The following SELE variants were observed in gnomAD, a reference collection of about 807,000 sequenced individuals.
The protein encoded by SELE is selectin E.
In SELE, 52 loss-of-function variants were observed where a neutral mutation model predicts 75.8. That is an observed-to-expected ratio of 0.69 (90% confidence interval 0.55 to 0.86). The LOEUF (loss-of-function observed/expected upper bound fraction) is 0.86, where lower values mean the gene tolerates loss of function less well. SELE is among the 40% of genes least tolerant of loss of function. SELE has a pLI of 0.00. For missense variants in SELE, 754 were observed against 732.7 expected (o/e 1.03, Z -0.34); for synonymous variants, 285 against 258.7 (o/e 1.10, Z -0.98).
rs1285145460 is a variant in SELE, at chr1:169,733,635, C to T, written c.-23G>A. 3.1e-6 allele frequency: 5 copies of T among 1,612,796 alleles called. No homozygotes were observed. The highest frequency in any genetic ancestry group is 3.3e-5 in the Admixed American group (2 of 60,012). On this transcript the variant is annotated 5_prime_UTR_variant, in exon 2 of 14. Transcript: ENST00000333360. Reference sequence around the variant, plus strand: ...CATGACTTCAAGAGTTCTTTTCACCCAAAGGTTTAGGCTTGAAATACTTTC... The same window carrying T: ...CATGACTTCAAGAGTTCTTTTCACCTAAAGGTTTAGGCTTGAAATACTTTC...
chr1:169,729,421 T>A (rs1439498579), intron 6 of SELE, 47 bp from the exon 7 acceptor site: 7 of 1,608,712 alleles, frequency 4.4e-6, no homozygotes, highest in Non-Finnish European at 6.0e-6. Context: ...AGAATTAGCT[T>A]GCCCATTTCC....
intron 4 of SELE, chr1:169,731,599 C>T (rs1462047639): frequency 9.4e-6 from 4 of 423,842 alleles, no homozygotes; most frequent in Non-Finnish European, 1.7e-5. Context: ...CCTCATTTTA[C>T]AATGAGAAAA....
At position 169,724,419 on chromosome 1, in the gene SELE, A is replaced by G. The variant is rs1012242843; in HGVS notation, c.*106T>C. On this transcript the variant is annotated 3_prime_UTR_variant, in exon 14 of 14. Coordinates refer to ENST00000333360, the MANE Select transcript of SELE (RefSeq NM_000450.2). ...GGTTTCAGCCATAAAGGCATCTGGC[A>G]TAGTAGGCAAGAAGGGCCAGAGACC... 1 of 152,240 alleles carries G rather than the reference A, an allele frequency of 6.6e-6. No homozygotes were observed. Among genetic ancestry groups the G allele is most frequent in the African/African-American group, 2.4e-5 (1 of 41,466 alleles). The allele number at this position is 152,240 out of a possible 1,614,324, so 9.4% of individuals were successfully genotyped here.
intron 11 of SELE, 103 bp downstream of exon 11, chr1:169,726,596 A>T (rs1044679932): frequency 2.2e-5 from 18 of 824,038 alleles, no homozygotes; most frequent in African/African-American, 3.4e-5. Flanking sequence ...TTTTATCCAG[A>T]TTCTAATTAT....
In SELE at chr1:169,725,746, A is replaced by T. The variant is rs1204436844; in HGVS notation, c.1831T>A (p.Ter611LysextTer13). The T allele has an allele frequency of 1.9e-6, 3 of 1,613,734 alleles. No individual in the cohort carries two copies. In the East Asian group the frequency reaches 6.7e-5, roughly 36 times the overall value. Reference protein sequence around the residue: ...GSYQKPSYIL* With the variant: ...GSYQKPSYILK ...AGTCTTACCTGATTCTTTTGAACTTAAAGGATGTAAGAAGGCTTTTGGTAG... is the reference window on the plus strand; with the variant it reads ...AGTCTTACCTGATTCTTTTGAACTTTAAGGATGTAAGAAGGCTTTTGGTAG... Residue 611 changes from the stop codon to lysine (K), a stop_lost, in exon 13 of 14, where the codon TAA (stop) becomes AAA (lysine). Transcript: ENST00000333360.
At chr1:169,725,660 G>T in intron 13 of SELE, 69 bp downstream of exon 13, 3 of 1,346,088 alleles carry the variant, frequency 2.2e-6, no homozygotes, top group Non-Finnish European at 3.2e-6. Flanking sequence ...AGTTTGGAGG[G>T]TTCAAGGAGA....
At chr1:169,733,789 T>C in intron 1 of SELE, 129 bp from the exon 2 acceptor site, 1 of 607,336 alleles carries the variant, frequency 1.6e-6, no homozygotes. Context: ...TAATCTTTAT[T>C]TCAGAGTTTA....
intron 9 of SELE, 104 bp from the exon 10 acceptor site, chr1:169,727,629 A>G: frequency 6.5e-7 from 1 of 1,531,782 alleles, no homozygotes; most frequent in Non-Finnish European, 8.8e-7. Context: ...AGCGCTACTT[A>G]GTTTTCAGCA....
intron 4 of SELE, chr1:169,731,444 C>T (rs964947225): frequency 1.2e-5 from 2 of 169,332 alleles, no homozygotes; most frequent in African/African-American, 4.8e-5. Context: ...CTGTAACTCA[C>T]TCATTTCTAC....
chr1:169,731,977 T>C (rs755507927), intron 3 of SELE, 35 bp from the exon 4 acceptor site: 1 of 1,359,286 alleles, frequency 7.4e-7, no homozygotes, highest in Admixed American at 1.7e-5. Context: ...AGGAGGACTA[T>C]TACTGTGCTT....
rs1303408622 is a variant in SELE, at chr1:169,722,679, T to C, written c.*1846A>G. 6.6e-6 allele frequency: 1 copy of C among 152,204 alleles called. No homozygotes were observed. Among genetic ancestry groups the C allele is most frequent in the Admixed American group, 6.5e-5 (1 of 15,276 alleles). 9.4% of individuals were successfully genotyped at this position (152,204 alleles called of 1,614,324 possible). ...TTTATTGTCAACCTTTATAGTGTTA[T>C]GTCAAATAGGTCTGACATAAGCTTA... On this transcript the variant is annotated 3_prime_UTR_variant, in exon 14 of 14. Transcript: ENST00000333360.
Position 169,722,949 on chromosome 1 carries a change from T to C in SELE, c.*1576A>G, listed in dbSNP as rs1648661428. The C allele has an allele frequency of 1.3e-5, 2 of 152,250 alleles. No individual in the cohort carries two copies. The allele number at this position is 152,250 out of a possible 1,614,324, so 9.4% of individuals were successfully genotyped here. ...TGCCCCTTTAAAAGAACCTCTGCTG[T>C]TCTGATCCTTATCACATCTCTGTTT... is the stretch of plus-strand genomic sequence containing the variant. On this transcript the variant is annotated 3_prime_UTR_variant, in exon 14 of 14. Transcript: ENST00000333360.
At position 169,724,495 on chromosome 1, in the gene SELE, C is replaced by T. The variant is rs1461460013; in HGVS notation, c.*30G>A. ...ACTTCAGTGTATCCCTCTAGTTCCC[C>T]AGATGCACCTGTTTCTGTAAATATA... On this transcript the variant is annotated 3_prime_UTR_variant, in exon 14 of 14. Coordinates refer to ENST00000333360, the MANE Select transcript of SELE (RefSeq NM_000450.2). 8 of 152,178 alleles carry T rather than the reference C, an allele frequency of 5.3e-5. No individual in the cohort carries two copies. Among genetic ancestry groups the T allele is most frequent in the African/African-American group, 9.7e-5 (4 of 41,440 alleles). 9.4% of individuals were successfully genotyped at this position (152,178 alleles called of 1,614,324 possible). A position where few individuals can be genotyped will look rare whatever the true frequency, so the allele number is the denominator to read the frequency against.
chr1:169,731,228 A>T (rs1248310708), intron 4 of SELE, among the ~76,000 whole-genome samples: 1 of 152,230 alleles, frequency 6.6e-6, no homozygotes, highest in African/African-American at 2.4e-5. Flanking sequence ...ACACACTGGA[A>T]AACACAGCTA....
rs3917455 is a variant in SELE at position 169,729,516 on chromosome 1, A to G, written c.873T>C (p.Asn291=). Reference sequence around the variant, plus strand: ...TACACGTTGGCTTCTCGTTGTCCCAATTCCCAGATGAGGTACACTGAAGGC... The same window carrying G: ...TACACGTTGGCTTCTCGTTGTCCCAGTTCCCAGATGAGGTACACTGAAGGC... The part of the protein sequence containing the change: ...AQSLQCTSSG[N]WDNEKPTCKA... Residue 291 remains asparagine (N), a synonymous_variant, in exon 6 of 14, where the codon AAT becomes AAC. Transcript: ENST00000333360. 7.4e-3 allele frequency: 11,904 copies of G among 1,614,088 alleles called. 54 individuals are homozygous for G. Among genetic ancestry groups the G allele is most frequent in the South Asian group, 0.013 (1,143 of 91,074 alleles).
At chr1:169,726,487 A>G (rs1042531426) in intron 11 of SELE, among the ~76,000 whole-genome samples, 1 of 152,192 alleles carries the variant, frequency 6.6e-6, no homozygotes, top group East Asian at 1.9e-4. Flanking sequence ...GGAGTTGTAC[A>G]ATATTAGGCA....
Position 169,727,708 on chromosome 1 carries a change from G to C in SELE, c.1468+31C>G, listed in dbSNP as rs780848050. 8.1e-6 allele frequency: 13 copies of C among 1,604,994 alleles called. No homozygotes were observed. In the Admixed American group the frequency reaches 2.0e-4, roughly 25 times the overall value. On this transcript the variant is annotated intron_variant, in intron 9 of 13. Coordinates refer to ENST00000333360, the MANE Select transcript of SELE (RefSeq NM_000450.2). The stretch of plus-strand genomic sequence containing the variant: ...AGAAACTTTATGAAGTATTTGACCT[G>C]TACCCTAAAAAAGTCTGCACTCAAT...
In SELE at chr1:169,731,926, T is replaced by C. The variant is rs1283417539; in HGVS notation, c.438A>G (p.Thr146=). ...CACATTCACCGTGGCCACTGCAGGA[T>C]GTATTGGTACAGGCAGCTACGGAAA... is the stretch of plus-strand genomic sequence containing the variant. The part of the protein sequence containing the change: ...ALCYTAACTN[T]SCSGHGECVE... Residue 146 remains threonine (T), a synonymous_variant, in exon 4 of 14, where the codon ACA becomes ACG. Coordinates refer to ENST00000333360, the MANE Select transcript of SELE (RefSeq NM_000450.2). 2.5e-6 allele frequency: 4 copies of C among 1,612,840 alleles called. No individual in the cohort carries two copies. Among genetic ancestry groups the C allele is most frequent in the Admixed American group, 3.3e-5 (2 of 59,990 alleles).
chr1:169,729,185 C>A lies in SELE; in HGVS notation c.1090+1G>T, dbSNP rs1648847036. 1 of 1,600,078 alleles carries A rather than the reference C, an allele frequency of 6.2e-7. No homozygotes were observed. Among genetic ancestry groups the A allele is most frequent in the Admixed American group, 1.7e-5 (1 of 58,612 alleles). On this transcript the variant is annotated splice_donor_variant, in intron 7 of 13. Transcript: ENST00000333360. LOFTEE classifies it high-confidence loss of function. The stretch of plus-strand genomic sequence containing the variant: ...TATAAATCGAAGGATCTCAAGCTTA[C>A]CTTCACAAACTGGGATTTGCTGTGT...
Sources: allele counts gnomAD v4.1 joint callset (sites outside exome capture counted in the v4.1 genomes callset), GRCh38; gene constraint gnomAD v4.1.1; transcripts MANE v1.5; gene names NCBI Gene and HGNC (gene_info 2026-07-23, HGNC 2026-07-21).